Variants in LRCH3 observed in about 807,000 individuals in gnomAD.
LRCH3 encodes the protein leucine rich repeats and calponin homology domain containing 3.
LRCH3 carries 68 observed loss-of-function variants against 104.5 expected under a neutral mutation model. The ratio of observed to expected loss-of-function variants is 0.65; its 90% confidence interval spans 0.54 to 0.80. The LOEUF is 0.80. Among genes scored for constraint, LRCH3 ranks in the 30% least tolerant of loss-of-function variants. The pLI is 0.00. For missense variants in LRCH3, 951 were observed against 953.9 expected (o/e 1.00, Z 0.04); for synonymous variants, 344 against 361.3 (o/e 0.95, Z 0.54).
chr3:197,822,082 T>G (rs1469766585), intron 4 of LRCH3, among the ~76,000 whole-genome samples: 5 of 152,254 alleles, frequency 3.3e-5, no homozygotes, highest in Non-Finnish European at 7.3e-5. Context: ...CTAGTGGAGC[T>G]TTGACATTTT....
rs34476668 is a variant in LRCH3, at chr3:197,886,804, CAAAAA to C, written c.*3155_*3159del. Reference sequence around the variant, plus strand: ...TGGGCAACAGAGCGAGACTCTGTCTCAAAAAAAAAAAAAAAAAAAAACCCACCAAA... The same window carrying C: ...TGGGCAACAGAGCGAGACTCTGTCTCAAAAAAAAAAAAAAAACCCACCAAA... On this transcript the variant is annotated 3_prime_UTR_variant, in exon 21 of 21. Coordinates refer to ENST00000425562, the MANE Select transcript of LRCH3 (RefSeq NM_001365715.1). 4 of 75,852 alleles carry C rather than the reference CAAAAA, an allele frequency of 5.3e-5. No homozygotes were observed. Among genetic ancestry groups the C allele is most frequent in the Admixed American group, 1.5e-4 (1 of 6,482 alleles). 4.7% of individuals were successfully genotyped at this position (75,852 alleles called of 1,614,324 possible). A position where few individuals can be genotyped will look rare whatever the true frequency, so the allele number is the denominator to read the frequency against.
chr3:197,806,218 G>A (rs533535699), intron 1 of LRCH3, among the ~76,000 whole-genome samples: 40 of 151,922 alleles, frequency 2.6e-4, no homozygotes, highest in Non-Finnish European at 5.3e-4. Flanking sequence ...GAGTCACTGC[G>A]CCTGGCCTAT....
At chr3:197,871,264 C>G in intron 18 of LRCH3, 61 bp from the exon 19 acceptor site, 2 of 1,291,216 alleles carry the variant, frequency 1.5e-6, no homozygotes, top group Non-Finnish European at 2.2e-6. Context: ...TTATAACTCC[C>G]TTATGTCCTA....
chr3:197,833,365 G>GGAA (rs755877946), intron 8 of LRCH3, among the ~76,000 whole-genome samples: 1 of 33,336 alleles, frequency 3.0e-5, no homozygotes, highest in African/African-American at 1.4e-4. Flanking sequence ...ACTAAAAACC[G>GGAA]AAAAAAAAAA....
chr3:197,839,441 T>G (rs769492228), intron 10 of LRCH3, 44 bp downstream of exon 10: 1 of 1,280,002 alleles, frequency 7.8e-7, no homozygotes, highest in Admixed American at 2.3e-5. Context: ...GTCTTAATCA[T>G]GAGAGCATAA....
At chr3:197,882,183 C>G in intron 20 of LRCH3, 2 of 985,420 alleles carry the variant, frequency 2.0e-6, no homozygotes, top group Non-Finnish European at 2.4e-6. Flanking sequence ...GCACAGGCTT[C>G]TGAGTGTGAA....
intron 4 of LRCH3, among the ~76,000 whole-genome samples, chr3:197,824,861 C>T (rs561597691): frequency 6.6e-6 from 1 of 152,328 alleles, no homozygotes; most frequent in Admixed American, 6.5e-5. Flanking sequence ...TGAGCCACTG[C>T]ACCTGGCCTG....
At chr3:197,843,376 T>C (rs757296965) in intron 10 of LRCH3, among the ~76,000 whole-genome samples, 11 of 152,092 alleles carry the variant, frequency 7.2e-5, no homozygotes, top group Non-Finnish European at 1.2e-4. Flanking sequence ...ATTACCTGTA[T>C]AGTGCTGGGT....
chr3:197,866,825 A>AAAACAAAC (rs144787772), intron 17 of LRCH3, among the ~76,000 whole-genome samples: 34 of 151,946 alleles, frequency 2.2e-4, no homozygotes, highest in African/African-American at 6.3e-4. Context: ...TCTGTCTCTT[A>AAAACAAAC]AAACAAACAA....
intron 15 of LRCH3, among the ~76,000 whole-genome samples, chr3:197,859,784 T>A (rs1740672971): frequency 1.3e-5 from 2 of 151,978 alleles, no homozygotes; most frequent in South Asian, 2.1e-4. Context: ...TTTTTTTTTT[T>A]ACACAAAATA....
intron 20 of LRCH3, among the ~76,000 whole-genome samples, chr3:197,878,098 CAAAG>C (rs949313592): frequency 6.6e-6 from 1 of 152,138 alleles, no homozygotes; most frequent in Admixed American, 6.5e-5. Context: ...TGTCTTTAAA[CAAAG>C]AGAGTATGGC....
At chr3:197,809,302 A>AC (rs1197501230) in intron 1 of LRCH3, among the ~76,000 whole-genome samples, 1 of 152,102 alleles carries the variant, frequency 6.6e-6, no homozygotes, top group Non-Finnish European at 1.5e-5. Context: ...TGTCTAAAAA[A>AC]AAAAAAAGGA....
At chr3:197,869,089 A>T (rs1261541040) in intron 17 of LRCH3, among the ~76,000 whole-genome samples, 2 of 152,240 alleles carry the variant, frequency 1.3e-5, no homozygotes, top group African/African-American at 4.8e-5. Context: ...AAATCTCCAT[A>T]ATAAAAACCC....
chr3:197,800,336 G>C (rs1256602224), intron 1 of LRCH3, among the ~76,000 whole-genome samples: 2 of 152,126 alleles, frequency 1.3e-5, no homozygotes, highest in Non-Finnish European at 2.9e-5. Flanking sequence ...CTATACACAA[G>C]TAAGAAAAAG....
intron 1 of LRCH3, among the ~76,000 whole-genome samples, chr3:197,793,847 A>C (rs944551892): frequency 2.0e-5 from 3 of 152,228 alleles, no homozygotes; most frequent in African/African-American, 7.2e-5. Context: ...ACATGTAGTA[A>C]TATCACTTAT....
chr3:197,833,365 GAAAAA>G (rs71166710), intron 8 of LRCH3, among the ~76,000 whole-genome samples: 2 of 33,338 alleles, frequency 6.0e-5, no homozygotes, highest in Non-Finnish European at 9.7e-5. Flanking sequence ...ACTAAAAACC[GAAAAA>G]AAAAAAAAAA....
At chr3:197,850,948 G>A (rs1229738341) in intron 12 of LRCH3, 7 of 796,846 alleles carry the variant, frequency 8.8e-6, no homozygotes, top group African/African-American at 3.4e-5. Context: ...AGTGAATAGC[G>A]AACCATTTTT....
intron 10 of LRCH3, 137 bp from the exon 11 acceptor site, chr3:197,847,272 C>T: frequency 1.4e-6 from 1 of 717,130 alleles, no homozygotes; most frequent in East Asian, 2.9e-5. Context: ...TGCAGCTACT[C>T]CTTCAATGCT....
intron 1 of LRCH3, among the ~76,000 whole-genome samples, chr3:197,796,018 G>C (rs563392380): frequency 4.6e-4 from 70 of 152,046 alleles, no homozygotes; most frequent in African/African-American, 1.5e-3. Context: ...AAAAGGTCCT[G>C]ACTAATACAG....
Sources: gnomAD v4.1 joint callset for allele counts (sites outside exome capture counted in the v4.1 genomes callset) on GRCh38, gnomAD v4.1.1 for gene constraint, MANE v1.5 for transcripts, NCBI Gene and HGNC (gene_info 2026-07-23, HGNC 2026-07-21) for gene names.